The following DIPK1A variants were observed in gnomAD, a reference collection of about 807,000 sequenced individuals.
DIPK1A encodes divergent protein kinase domain 1A.
DIPK1A carries 27 observed loss-of-function variants against 40.8 expected under a neutral mutation model. The observed-to-expected ratio is 0.66, with a 90% CI of 0.49 to 0.91. The LOEUF is 0.91. DIPK1A is among the 40% of genes least tolerant of loss of function. The pLI, the probability that DIPK1A is intolerant of heterozygous loss-of-function variation, is 0.00. For missense variants in DIPK1A, 412 were observed against 505.7 expected, an observed-to-expected ratio of 0.81 and a Z score of 1.78; for synonymous variants, 166 against 171.3, an observed-to-expected ratio of 0.97 and a Z score of 0.24.
At chr1:92,959,608 C>T (rs12738654) in intron 1 of DIPK1A, among the ~76,000 whole-genome samples, 30,653 of 150,774 alleles carry the variant, frequency 0.2, 3,672 homozygotes, top group Non-Finnish European at 0.27. Context: ...CCCGCCACCA[C>T]GCCCGGCTAA....
intron 4 of DIPK1A, chr1:92,835,075 T>C: frequency 9.8e-7 from 1 of 1,016,484 alleles, no homozygotes; most frequent in South Asian, 1.4e-5. Context: ...GTCAGCTCTT[T>C]CCAATAAAAT....
intron 4 of DIPK1A, chr1:92,833,318 A>G (rs767579888): frequency 8.1e-7 from 1 of 1,239,722 alleles, no homozygotes; most frequent in Non-Finnish European, 1.2e-6. Context: ...ACTTTGTTAC[A>G]TGGTTAATTT....
chr1:92,838,643 C>T (rs1687217081), downstream of DIPK1A, among the ~76,000 whole-genome samples: 1 of 152,228 alleles, frequency 6.6e-6, no homozygotes, highest in Non-Finnish European at 1.5e-5. Context: ...CCTGTGCAGA[C>T]ATCTGATGTG....
chr1:92,834,855 A>G lies in DIPK1A; in HGVS notation c.475-1821T>C, dbSNP rs1314815534. 7 of 1,607,646 alleles carry G rather than the reference A, an allele frequency of 4.4e-6. No homozygotes were observed. The highest frequency in any genetic ancestry group is 5.9e-6 in the Non-Finnish European group (7 of 1,179,960). On this transcript the variant is annotated intron_variant, in intron 4 of 4. Transcript: ENST00000615519. ...CACGAACTGCCAAAATATGGTGTGA[A>G]GGTTGGCCTGACAAATTATGCTGCA...
In DIPK1A at chr1:92,865,384, C is replaced by T. The variant is rs140833116; in HGVS notation, c.189+10912G>A. On this transcript the variant is annotated intron_variant, in intron 2 of 4. Coordinates refer to ENST00000370310, the MANE Select transcript of DIPK1A (RefSeq NM_001006605.5). ...TCTCCAAACAAAACAAAAAAAGCAA[C>T]CCCTCCTCCACCATATTATATAATT... 2.4e-4 allele frequency among the ~76,000 whole-genome samples: 36 copies of T among 151,956 alleles called. No individual in the cohort carries two copies. In the East Asian group the frequency reaches 6.2e-3, roughly 26 times the overall value.
At chr1:92,894,212 A>C (rs1027467684) in intron 1 of DIPK1A, among the ~76,000 whole-genome samples, 1 of 152,120 alleles carries the variant, frequency 6.6e-6, no homozygotes, top group African/African-American at 2.4e-5. Context: ...TCTTTTCAGC[A>C]CCACACCACA....
At chr1:92,853,316 T>G (rs530788143) in intron 2 of DIPK1A, among the ~76,000 whole-genome samples, 4 of 152,308 alleles carry the variant, frequency 2.6e-5, no homozygotes, top group Non-Finnish European at 5.9e-5. Flanking sequence ...GGACATACAA[T>G]GAATGTCCCA....
At chr1:92,849,405 T>TGGTGG (rs1438050085) in intron 3 of DIPK1A, among the ~76,000 whole-genome samples, 11 of 151,660 alleles carry the variant, frequency 7.3e-5, no homozygotes, top group Non-Finnish European at 1.5e-4. Flanking sequence ...TGGAGTGCAG[T>TGGTGG]GACATGAACA....
chr1:92,914,356 TTC>T (rs1386875379), intron 1 of DIPK1A, among the ~76,000 whole-genome samples: 2 of 152,112 alleles, frequency 1.3e-5, no homozygotes, highest in African/African-American at 4.8e-5. Context: ...ACATGTGAAG[TTC>T]TTTTATACGA....
chr1:92,861,892 A>G (rs1647288816), intron 2 of DIPK1A, among the ~76,000 whole-genome samples: 1 of 151,882 alleles, frequency 6.6e-6, no homozygotes, highest in African/African-American at 2.4e-5. Flanking sequence ...TGATCCTCCC[A>G]CCTCGGCCTC....
chr1:92,867,161 C>T (rs965299161), intron 2 of DIPK1A, among the ~76,000 whole-genome samples: 1 of 151,634 alleles, frequency 6.6e-6, no homozygotes, highest in Non-Finnish European at 1.5e-5. Context: ...CCAACTTATA[C>T]AGCTCAGAAA....
chr1:92,837,553 C>G, downstream of DIPK1A: 1 of 1,611,818 alleles, frequency 6.2e-7, no homozygotes. Flanking sequence ...AGATTACATG[C>G]GCTACTTAAT....
chr1:92,836,464 A>G, intron 4 of DIPK1A: 1 of 1,383,064 alleles, frequency 7.2e-7, no homozygotes, highest in Non-Finnish European at 1.0e-6. Context: ...TGGACTGTGG[A>G]GATAACCGAA....
At chr1:92,895,029 A>C (rs557375789) in intron 1 of DIPK1A, among the ~76,000 whole-genome samples, 2 of 152,198 alleles carry the variant, frequency 1.3e-5, no homozygotes, top group Admixed American at 1.3e-4. Context: ...ACTAACCAAA[A>C]AAAGTCCAGG....
chr1:92,846,829 ATATATATATATATGTG>A lies in DIPK1A; in HGVS notation c.474+338_474+353del. On this transcript the variant is annotated intron_variant, in intron 4 of 4. Transcript: ENST00000370310. ...TATATATATATATATATATATATATATATATATATATATGTGTGTATATATATATGTGTGTATATAT... is the reference window on the plus strand; with the variant it reads ...TATATATATATATATATATATATATATGTATATATATATGTGTGTATATAT... Among the ~76,000 whole-genome samples, 13 of 6,534 alleles carry A rather than the reference ATATATATATATATGTG, an allele frequency of 2.0e-3. 1 individual carries two copies. Among genetic ancestry groups the A allele is most frequent in the African/African-American group, 0.016 (12 of 774 alleles). 4.3% of individuals were successfully genotyped at this position (6,534 alleles called of 152,430 possible).
chr1:92,951,093 C>A (rs11164844), intron 1 of DIPK1A, among the ~76,000 whole-genome samples: 53,118 of 151,934 alleles, frequency 0.35, 9,734 homozygotes, highest in African/African-American at 0.38. Context: ...AAGGTTACTA[C>A]TCAGATGACT....
intron 2 of DIPK1A, among the ~76,000 whole-genome samples, chr1:92,875,546 G>A (rs1243881579): frequency 2.0e-5 from 3 of 151,868 alleles, no homozygotes; most frequent in African/African-American, 7.3e-5. Flanking sequence ...GTGAAACCCC[G>A]TCTTTACTGA....
At chr1:92,856,068 C>T (rs1027457847) in intron 2 of DIPK1A, among the ~76,000 whole-genome samples, 1 of 151,872 alleles carries the variant, frequency 6.6e-6, no homozygotes, top group African/African-American at 2.4e-5. Flanking sequence ...CAGAGTGAGA[C>T]CCTGTCTCAA....
intron 1 of DIPK1A, among the ~76,000 whole-genome samples, chr1:92,955,758 G>A (rs1036412875): frequency 1.3e-5 from 2 of 151,372 alleles, no homozygotes; most frequent in Non-Finnish European, 2.9e-5. Flanking sequence ...AATAGGGGAG[G>A]GGCCAGGCAC....
Sources: allele counts gnomAD v4.1 joint callset (sites outside exome capture counted in the v4.1 genomes callset), GRCh38; gene constraint gnomAD v4.1.1; transcripts MANE v1.5; gene names NCBI Gene and HGNC (gene_info 2026-07-23, HGNC 2026-07-21).